HACD2: variants seen among roughly 807,000 people sequenced by gnomAD.
HACD2 encodes the protein very-long-chain (3R)-3-hydroxyacyl-CoA dehydratase 2.
In HACD2, 15 loss-of-function variants were observed where a neutral mutation model predicts 31.0. The observed-to-expected ratio is 0.48, with a 90% CI of 0.32 to 0.75. HACD2 has a LOEUF of 0.75. Among genes scored for constraint, HACD2 ranks in the 30% least tolerant of loss-of-function variants. The probability of loss-of-function intolerance (pLI) is 0.03; values close to 1 mark genes in which losing one functional copy is unlikely to be tolerated. For synonymous variants in HACD2, 115 were observed against 122.2 expected, an observed-to-expected ratio of 0.94 and a Z score of 0.39; for missense variants, 283 against 313.0, an observed-to-expected ratio of 0.90 and a Z score of 0.72.
intron 2 of HACD2, among the ~76,000 whole-genome samples, chr3:123,572,309 C>T (rs2056863263): frequency 1.3e-5 from 2 of 152,060 alleles, no homozygotes; most frequent in Admixed American, 1.3e-4. Flanking sequence ...AGTTCAAGAC[C>T]AGCCTGCGCA....
intron 4 of HACD2, among the ~76,000 whole-genome samples, chr3:123,512,959 C>T (rs1470361613): frequency 6.6e-6 from 1 of 152,146 alleles, no homozygotes; most frequent in East Asian, 1.9e-4. Context: ...AGTTACCATC[C>T]TCTACTAAAA....
At chr3:123,572,721 T>A (rs1306947151) in intron 2 of HACD2, among the ~76,000 whole-genome samples, 1 of 152,182 alleles carries the variant, frequency 6.6e-6, no homozygotes, top group Non-Finnish European at 1.5e-5. Flanking sequence ...CTGTTCAATT[T>A]CATTTTTAAT....
At chr3:123,551,608 G>A (rs1188505266) in intron 3 of HACD2, among the ~76,000 whole-genome samples, 1 of 151,520 alleles carries the variant, frequency 6.6e-6, no homozygotes, top group Non-Finnish European at 1.5e-5. Context: ...TGGTGACAGA[G>A]TGAGACTGTC....
At chr3:123,563,945 TC>T (rs2056762892) in intron 3 of HACD2, among the ~76,000 whole-genome samples, 1 of 152,154 alleles carries the variant, frequency 6.6e-6, no homozygotes, top group Admixed American at 6.5e-5. Context: ...TACATGGGAA[TC>T]CAGATGAGAC....
chr3:123,545,284 C>G (rs1311881798), intron 3 of HACD2, among the ~76,000 whole-genome samples: 4 of 150,618 alleles, frequency 2.7e-5, no homozygotes, highest in Non-Finnish European at 5.9e-5. Flanking sequence ...GAGTTTGAGA[C>G]TCGCCTGGTC....
At chr3:123,509,290 C>A (rs2056019937) in intron 4 of HACD2, among the ~76,000 whole-genome samples, 1 of 151,918 alleles carries the variant, frequency 6.6e-6, no homozygotes, top group African/African-American at 2.4e-5. Flanking sequence ...ATCACCTGAG[C>A]CCGGAAAGTT....
At chr3:123,532,626 T>C (rs1356356077) in intron 3 of HACD2, among the ~76,000 whole-genome samples, 1 of 151,656 alleles carries the variant, frequency 6.6e-6, no homozygotes. Flanking sequence ...AGGTCCGGAG[T>C]TTGAGACCAA....
chr3:123,548,988 C>T (rs368234561), intron 3 of HACD2, among the ~76,000 whole-genome samples: 2 of 149,456 alleles, frequency 1.3e-5, no homozygotes, highest in African/African-American at 5.0e-5. Flanking sequence ...TTAATGATCT[C>T]GTATGTTTGT....
At chr3:123,566,321 G>A (rs556597181) in intron 3 of HACD2, among the ~76,000 whole-genome samples, 5 of 151,810 alleles carry the variant, frequency 3.3e-5, no homozygotes, top group Admixed American at 1.3e-4. Context: ...AGACTCACTC[G>A]TTTCCCAGGC....
intron 4 of HACD2, among the ~76,000 whole-genome samples, chr3:123,518,471 A>C (rs1421348772): frequency 6.6e-6 from 1 of 152,228 alleles, no homozygotes; most frequent in Non-Finnish European, 1.5e-5. Flanking sequence ...GTAAAGTGCT[A>C]CACAAATGTC....
chr3:123,505,035 T>C (rs540665302), intron 4 of HACD2, among the ~76,000 whole-genome samples: 72 of 152,332 alleles, frequency 4.7e-4, no homozygotes, highest in African/African-American at 1.7e-3. Context: ...GGTCTATACA[T>C]ACAGCGGGAT....
At position 123,507,168 on chromosome 3, in the gene HACD2, T is replaced by C. The variant is rs144259706; in HGVS notation, c.382-4487A>G. Reference sequence around the variant, plus strand: ...CTACTTGGGAGGTGAGGTGGAAGGATTGCTTGAGCCCAGGAATTTGACGTT... The same window carrying C: ...CTACTTGGGAGGTGAGGTGGAAGGACTGCTTGAGCCCAGGAATTTGACGTT... On this transcript the variant is annotated intron_variant, in intron 4 of 6. Coordinates refer to ENST00000383657, the MANE Select transcript of HACD2 (RefSeq NM_198402.5). Among the ~76,000 whole-genome samples, 4 of 152,252 alleles carry C rather than the reference T, an allele frequency of 2.6e-5. No individual in the cohort carries two copies. The East Asian group carries it at 5.8e-4, about 22-fold the overall frequency.
At chr3:123,538,429 T>A (rs2056451538) in intron 3 of HACD2, among the ~76,000 whole-genome samples, 1 of 152,228 alleles carries the variant, frequency 6.6e-6, no homozygotes, top group Non-Finnish European at 1.5e-5. Context: ...TCATGCTTAA[T>A]TGTAATGAAA....
intron 3 of HACD2, among the ~76,000 whole-genome samples, chr3:123,541,132 GT>G (rs2056486041): frequency 6.6e-6 from 1 of 152,058 alleles, no homozygotes; most frequent in Non-Finnish European, 1.5e-5. Context: ...TTAGCCGGGT[GT>G]GGTGGTACGC....
intron 3 of HACD2, among the ~76,000 whole-genome samples, chr3:123,533,212 A>C (rs1405546344): frequency 6.6e-6 from 1 of 151,972 alleles, no homozygotes; most frequent in African/African-American, 2.4e-5. Flanking sequence ...ACAGTGGCAC[A>C]ATCATGGCTC....
chr3:123,504,463 C>G (rs73857651), intron 4 of HACD2, among the ~76,000 whole-genome samples: 3 of 151,926 alleles, frequency 2.0e-5, no homozygotes, highest in Admixed American at 2.0e-4. Context: ...TGGGTTACTC[C>G]GAGACTCAGT....
At chr3:123,541,431 T>C (rs2056489515) in intron 3 of HACD2, among the ~76,000 whole-genome samples, 1 of 152,186 alleles carries the variant, frequency 6.6e-6, no homozygotes, top group Admixed American at 6.5e-5. Context: ...CTATTGGCAA[T>C]GTTCCTTCTT....
intron 2 of HACD2, among the ~76,000 whole-genome samples, chr3:123,575,281 A>C (rs939779801): frequency 2.0e-5 from 3 of 151,844 alleles, no homozygotes; most frequent in African/African-American, 7.3e-5. Context: ...TAATTTTTTA[A>C]ATTTTTAAAA....
intron 3 of HACD2, among the ~76,000 whole-genome samples, chr3:123,553,774 C>A (rs2056644109): frequency 6.6e-6 from 1 of 152,084 alleles, no homozygotes; most frequent in Non-Finnish European, 1.5e-5. Flanking sequence ...GGTGTTCTGG[C>A]TATTGTTTTT....
Sources: gnomAD v4.1 joint callset for allele counts (sites outside exome capture counted in the v4.1 genomes callset) on GRCh38, gnomAD v4.1.1 for gene constraint, MANE v1.5 for transcripts, NCBI Gene and HGNC (gene_info 2026-07-23, HGNC 2026-07-21) for gene names.